Variants in NUDCD3 observed in about 807,000 individuals in gnomAD.
The protein encoded by NUDCD3 is NudC domain containing 3.
NUDCD3 carries 13 observed loss-of-function variants against 39.7 expected under a neutral mutation model. The observed-to-expected ratio is 0.33, with a 90% confidence interval of 0.21 to 0.52. The LOEUF (loss-of-function observed/expected upper bound fraction) is 0.52. Among genes scored for constraint, NUDCD3 ranks in the 20% least tolerant of loss-of-function variants. NUDCD3 has a pLI of 0.96. For synonymous variants in NUDCD3, 175 were observed against 172.4 expected, an observed-to-expected ratio of 1.02 and a Z score of -0.12; for missense variants, 453 against 458.1, an observed-to-expected ratio of 0.99 and a Z score of 0.10.
intron 1 of NUDCD3, among the ~76,000 whole-genome samples, chr7:44,489,030 G>A (rs1392275402): frequency 6.6e-6 from 1 of 152,180 alleles, no homozygotes; most frequent in East Asian, 1.9e-4. Flanking sequence ...AGACAAAAGT[G>A]TTCTCATCCT....
At chr7:44,402,998 C>G (rs914975033) in intron 4 of NUDCD3, 1 of 199,214 alleles carries the variant, frequency 5.0e-6, no homozygotes, top group Non-Finnish European at 1.1e-5. Context: ...GTCACAGGAG[C>G]CTATAGCTTG....
At chr7:44,457,111 G>T (rs1338186936) in intron 2 of NUDCD3, among the ~76,000 whole-genome samples, 1 of 152,068 alleles carries the variant, frequency 6.6e-6, no homozygotes, top group Non-Finnish European at 1.5e-5. Context: ...CCCTGATGAG[G>T]TCTCAAAAAC....
intron 2 of NUDCD3, among the ~76,000 whole-genome samples, chr7:44,473,542 G>T (rs1315398297): frequency 6.6e-6 from 1 of 152,140 alleles, no homozygotes; most frequent in Non-Finnish European, 1.5e-5. Context: ...ACATTCCAGG[G>T]ATATGACAAA....
chr7:44,387,793 G>A (rs142691625), intron 5 of NUDCD3, among the ~76,000 whole-genome samples: 28 of 152,318 alleles, frequency 1.8e-4, no homozygotes, highest in African/African-American at 6.5e-4. Context: ...CTTTCCTGAG[G>A]CAAAAGTGGA....
chr7:44,456,972 C>T (rs1376381623), intron 2 of NUDCD3, among the ~76,000 whole-genome samples: 1 of 151,918 alleles, frequency 6.6e-6, no homozygotes, highest in Non-Finnish European at 1.5e-5. Flanking sequence ...ATTAGTCTCA[C>T]ATCCTGGGAA....
chr7:44,430,554 C>CCACACACACACACACACACA (rs748912083), intron 2 of NUDCD3, among the ~76,000 whole-genome samples: 1 of 140,772 alleles, frequency 7.1e-6, no homozygotes, highest in African/African-American at 2.8e-5. Flanking sequence ...AATAAAATAC[C>CCACACACACACACACACACA]CACACACACA....
chr7:44,481,917 G>T (rs1176755560), intron 2 of NUDCD3, among the ~76,000 whole-genome samples: 1 of 152,172 alleles, frequency 6.6e-6, no homozygotes, highest in African/African-American at 2.4e-5. Flanking sequence ...GACACAGCAA[G>T]GTAACTACGA....
At chr7:44,488,861 G>T (rs1465418501) in intron 1 of NUDCD3, among the ~76,000 whole-genome samples, 1 of 152,156 alleles carries the variant, frequency 6.6e-6, no homozygotes, top group Non-Finnish European at 1.5e-5. Context: ...GTTAATGAGT[G>T]CTCTGTCAGT....
At chr7:44,464,235 AG>A (rs1231816956) in intron 2 of NUDCD3, among the ~76,000 whole-genome samples, 1 of 150,562 alleles carries the variant, frequency 6.6e-6, no homozygotes, top group African/African-American at 2.4e-5. Context: ...AAAAAGAAAA[AG>A]AAAACGAAGC....
intron 4 of NUDCD3, among the ~76,000 whole-genome samples, chr7:44,397,760 C>T (rs1185204276): frequency 6.6e-6 from 1 of 152,226 alleles, no homozygotes; most frequent in East Asian, 1.9e-4. Context: ...AGTATTTTCT[C>T]TGAATCATTT....
chr7:44,387,369 A>G (rs532838029), intron 5 of NUDCD3, among the ~76,000 whole-genome samples: 103 of 152,292 alleles, frequency 6.8e-4, no homozygotes, highest in African/African-American at 2.3e-3. Flanking sequence ...CAACAAGCAT[A>G]TCAAAGACAG....
intron 3 of NUDCD3, among the ~76,000 whole-genome samples, chr7:44,413,507 A>G (rs561995335): frequency 6.6e-6 from 1 of 152,308 alleles, no homozygotes; most frequent in African/African-American, 2.4e-5. Context: ...CCTAATAGAA[A>G]ATGGGCAAAA....
At chr7:44,428,387 G>C (rs1197887178) in intron 2 of NUDCD3, among the ~76,000 whole-genome samples, 1 of 151,536 alleles carries the variant, frequency 6.6e-6, no homozygotes, top group Non-Finnish European at 1.5e-5. Flanking sequence ...AGGTTGCAGT[G>C]AGCCAAGATC....
chr7:44,405,594 T>C (rs1413333673), intron 3 of NUDCD3, among the ~76,000 whole-genome samples: 1 of 152,204 alleles, frequency 6.6e-6, no homozygotes, highest in African/African-American at 2.4e-5. Flanking sequence ...ATTTGGAAGC[T>C]ACTCTCCATG....
chr7:44,404,691 G>A (rs980018864), intron 3 of NUDCD3, 108 bp from the exon 4 acceptor site: 50 of 1,167,258 alleles, frequency 4.3e-5, no homozygotes, highest in African/African-American at 3.2e-4. Flanking sequence ...ACACTACAGC[G>A]CTGTCATCAG....
chr7:44,382,561 CCA>C lies in NUDCD3; in HGVS notation c.*3448_*3449del, dbSNP rs1798323042. On this transcript the variant is annotated 3_prime_UTR_variant, in exon 6 of 6. Transcript: ENST00000355451. ...GCAGCCTGGTTTAAATGCCTGTTCC[CCA>C]GACCCCACAGTCAGACGGTAGAGAG... 6.6e-6 allele frequency: 1 copy of C among 152,314 alleles called. No homozygotes were observed. Among genetic ancestry groups the C allele is most frequent in the South Asian group, 2.1e-4 (1 of 4,838 alleles). 9.4% of individuals were successfully genotyped at this position (152,314 alleles called of 1,614,324 possible). A position where few individuals can be genotyped will look rare whatever the true frequency, so the allele number is the denominator to read the frequency against.
chr7:44,473,053 C>T (rs931692565), intron 2 of NUDCD3, among the ~76,000 whole-genome samples: 3 of 152,120 alleles, frequency 2.0e-5, no homozygotes, highest in Admixed American at 6.5e-5. Flanking sequence ...TGCTGGCACA[C>T]GGGAAACAAC....
chr7:44,388,874 A>G (rs540830319), intron 5 of NUDCD3, among the ~76,000 whole-genome samples: 12 of 152,388 alleles, frequency 7.9e-5, no homozygotes, highest in African/African-American at 2.9e-4. Flanking sequence ...GCAAGTCTAC[A>G]GCAGAATAGA....
At chr7:44,414,468 C>T (rs1186942262) in intron 3 of NUDCD3, among the ~76,000 whole-genome samples, 1 of 152,186 alleles carries the variant, frequency 6.6e-6, no homozygotes, top group Non-Finnish European at 1.5e-5. Context: ...AATGCACCAT[C>T]TGTGCTAAAG....
Sources: gnomAD v4.1 joint callset for allele counts (sites outside exome capture counted in the v4.1 genomes callset) on GRCh38, gnomAD v4.1.1 for gene constraint, MANE v1.5 for transcripts, NCBI Gene and HGNC (gene_info 2026-07-23, HGNC 2026-07-21) for gene names.